CHCHD3: variants seen among roughly 807,000 people sequenced by gnomAD.
The protein encoded by CHCHD3 is coiled-coil-helix-coiled-coil-helix domain containing 3, also known as MICOS complex subunit MIC19.
A neutral mutation model predicts 38.2 loss-of-function variants in CHCHD3; 20 were observed. The ratio of observed to expected loss-of-function variants is 0.52; its 90% confidence interval spans 0.37 to 0.76. The LOEUF (loss-of-function observed/expected upper bound fraction) is 0.76, where lower values mean the gene tolerates loss of function less well. Ranked by LOEUF, CHCHD3 falls within the 30% of genes least tolerant of loss-of-function variation. The pLI, the probability that CHCHD3 is intolerant of heterozygous loss-of-function variation, is 0.00. For synonymous variants in CHCHD3, 82 were observed against 100.0 expected, an observed-to-expected ratio of 0.82 and a Z score of 1.07; for missense variants, 245 against 279.2, an observed-to-expected ratio of 0.88 and a Z score of 0.87.
chr7:132,805,858 A>G (rs141943488), intron 6 of CHCHD3, among the ~76,000 whole-genome samples: 40 of 152,332 alleles, frequency 2.6e-4, no homozygotes, highest in African/African-American at 9.1e-4. Context: ...AGAGAATCAC[A>G]GGATGGCTTA....
rs775221125 is a variant in CHCHD3 at position 132,785,662 on chromosome 7, T to C, written c.661-2A>G. 7 of 1,613,912 alleles carry C rather than the reference T, an allele frequency of 4.3e-6. No homozygotes were observed. Among genetic ancestry groups the C allele is most frequent in the Non-Finnish European group, 5.9e-6 (7 of 1,179,868 alleles). The stretch of plus-strand genomic sequence containing the variant: ...TTATCCTCCCTTCTCAAGCATGCTC[T>C]GCAAGAAAAACAGAAAGAGTAAGTT... On this transcript the variant is annotated splice_acceptor_variant, in intron 7 of 7. Coordinates refer to ENST00000262570, the MANE Select transcript of CHCHD3 (RefSeq NM_017812.4). LOFTEE classifies it high-confidence loss of function.
At chr7:132,815,250 A>G (rs11978163) in intron 6 of CHCHD3, among the ~76,000 whole-genome samples, 3,069 of 152,326 alleles carry the variant, frequency 0.02, 84 homozygotes, top group Admixed American at 0.074. Flanking sequence ...TTCTTCCAGT[A>G]TTTAGGAGTG....
At chr7:132,807,763 G>T (rs765293366) in intron 6 of CHCHD3, among the ~76,000 whole-genome samples, 2 of 151,136 alleles carry the variant, frequency 1.3e-5, no homozygotes, top group Admixed American at 6.6e-5. Flanking sequence ...GAGTTGGATA[G>T]GTGGCCAAAG....
intron 4 of CHCHD3, among the ~76,000 whole-genome samples, chr7:132,942,649 A>G (rs1372284812): frequency 6.6e-6 from 1 of 152,190 alleles, no homozygotes; most frequent in Non-Finnish European, 1.5e-5. Flanking sequence ...TACATTGAAG[A>G]GCTAAAAATA....
intron 4 of CHCHD3, chr7:132,973,349 C>T (rs1055375383): frequency 4.1e-6 from 4 of 985,416 alleles, no homozygotes; most frequent in Non-Finnish European, 4.8e-6. Context: ...AATTTGGAGA[C>T]TTTAATATAC....
intron 4 of CHCHD3, among the ~76,000 whole-genome samples, chr7:132,964,439 G>A (rs1811405243): frequency 6.6e-6 from 1 of 152,156 alleles, no homozygotes; most frequent in Admixed American, 6.5e-5. Flanking sequence ...AAATTAGCCG[G>A]GCATGGAGGC....
intron 4 of CHCHD3, among the ~76,000 whole-genome samples, chr7:132,965,246 AAACTAAATTTGCT>A: frequency 6.6e-6 from 1 of 152,150 alleles, no homozygotes; most frequent in South Asian, 2.1e-4. Flanking sequence ...AACAACAACA[AAACTAAATTTGCT>A]AAATTGTGCC....
intron 6 of CHCHD3, among the ~76,000 whole-genome samples, chr7:132,835,181 C>T (rs1807748127): frequency 6.6e-6 from 1 of 151,268 alleles, no homozygotes; most frequent in South Asian, 2.1e-4. Context: ...AGGGATTCAC[C>T]ATGTTGGACA....
At chr7:132,924,379 C>A (rs115884373) in intron 4 of CHCHD3, among the ~76,000 whole-genome samples, 119 of 152,126 alleles carry the variant, frequency 7.8e-4, no homozygotes, top group African/African-American at 2.8e-3. Flanking sequence ...AAAAAAAGCT[C>A]GATTATTTTT....
chr7:132,878,312 C>T (rs780859232), intron 5 of CHCHD3, among the ~76,000 whole-genome samples: 3 of 152,000 alleles, frequency 2.0e-5, no homozygotes, highest in Non-Finnish European at 4.4e-5. Context: ...CCCCAAGCTT[C>T]ACACAGAGGA....
chr7:133,034,845 C>T (rs1301724305), intron 2 of CHCHD3: 1 of 1,610,470 alleles, frequency 6.2e-7, no homozygotes. Context: ...AAGGATGACA[C>T]TGGCGAAGGC....
Position 132,919,100 on chromosome 7 carries a change from C to CTTTTTTTTTTTTTTTT in CHCHD3, c.370-33371_370-33356dup, listed in dbSNP as rs5887600. Among the ~76,000 whole-genome samples the CTTTTTTTTTTTTTTTT allele has an allele frequency of 1.6e-4, 11 of 69,502 alleles. 1 individual carries two copies. The East Asian group carries it at 2.3e-3, about 15-fold the overall frequency. The allele number at this position is 69,502 out of a possible 152,430, so 45.6% of individuals were successfully genotyped here. ...CTAATCCTATATAGTTGGGTTTATT[C>CTTTTTTTTTTTTTTTT]TTTTTTTTTTTTTTTTTTTTTTTTT... On this transcript the variant is annotated intron_variant, in intron 4 of 7. Coordinates refer to ENST00000262570, the MANE Select transcript of CHCHD3 (RefSeq NM_017812.4).
intron 2 of CHCHD3, among the ~76,000 whole-genome samples, chr7:133,040,270 G>A (rs1043475119): frequency 1.3e-5 from 2 of 152,190 alleles, no homozygotes; most frequent in Non-Finnish European, 2.9e-5. Context: ...CCTACTGAAG[G>A]AGTGAAGGAC....
chr7:132,890,361 T>C (rs1199982746), intron 4 of CHCHD3, among the ~76,000 whole-genome samples: 1 of 152,210 alleles, frequency 6.6e-6, no homozygotes, highest in African/African-American at 2.4e-5. Context: ...TATAACATAC[T>C]GGGCTGATAG....
At chr7:132,902,252 C>G (rs1315952925) in intron 4 of CHCHD3, among the ~76,000 whole-genome samples, 2 of 152,168 alleles carry the variant, frequency 1.3e-5, no homozygotes, top group African/African-American at 2.4e-5. Context: ...CTGTGGAAGA[C>G]AGTGTGGCGA....
intron 4 of CHCHD3, among the ~76,000 whole-genome samples, chr7:132,891,320 C>T (rs1378180946): frequency 2.0e-5 from 3 of 152,298 alleles, no homozygotes; most frequent in East Asian, 1.9e-4. Context: ...GATGTCCAAC[C>T]TATTATCATA....
At chr7:132,834,828 G>A (rs1274683188) in intron 6 of CHCHD3, among the ~76,000 whole-genome samples, 2 of 152,100 alleles carry the variant, frequency 1.3e-5, no homozygotes, top group Non-Finnish European at 2.9e-5. Context: ...AGTTTTATTG[G>A]AGCCTCATTA....
rs953388125 is a variant in CHCHD3 at position 133,070,207 on chromosome 7, C to A, written c.104G>T (p.Arg35Leu). Residue 35 changes from arginine to leucine, a missense_variant, in exon 2 of 8, where the codon CGA becomes CTA. Transcript: ENST00000262570. Reference sequence around the variant, plus strand: ...ACCAGATGGAGAGGATTCCTTCATTCGATCAATCACATTTTCCGAAAGCTG... The same window carrying A: ...ACCAGATGGAGAGGATTCCTTCATTAGATCAATCACATTTTCCGAAAGCTG... The part of the protein sequence containing the change: ...GIRLSENVID[R>L]MKESSPSGSK... 6.2e-7 allele frequency: 1 copy of A among 1,613,340 alleles called. No individual in the cohort carries two copies. Among genetic ancestry groups the A allele is most frequent in the South Asian group, 1.1e-5 (1 of 90,904 alleles).
intron 4 of CHCHD3, among the ~76,000 whole-genome samples, chr7:132,920,149 T>C (rs983164405): frequency 1.3e-5 from 2 of 152,186 alleles, no homozygotes; most frequent in African/African-American, 2.4e-5. Context: ...GTCACTCTAA[T>C]GCTGGCATCA....
Sources: allele counts gnomAD v4.1 joint callset (sites outside exome capture counted in the v4.1 genomes callset), GRCh38; gene constraint gnomAD v4.1.1; transcripts MANE v1.5; gene names NCBI Gene and HGNC (gene_info 2026-07-23, HGNC 2026-07-21).